Variants in HYDIN observed in about 807,000 individuals in gnomAD.
HYDIN encodes HYDIN axonemal central pair apparatus protein, also known as axonemal central pair apparatus protein HYDIN.
A neutral mutation model predicts 403.9 loss-of-function variants in HYDIN; 132 were observed. That is an observed-to-expected ratio of 0.33 (90% CI 0.28 to 0.38). The LOEUF is 0.38. HYDIN is among the 10% of genes least tolerant of loss of function. The pLI, the probability that HYDIN is intolerant of heterozygous loss-of-function variation, is 1.00. For missense variants in HYDIN, 2,827 were observed against 5,009.5 expected, an observed-to-expected ratio of 0.56 and a Z score of 13.15; for synonymous variants, 1,202 against 1,891.7, an observed-to-expected ratio of 0.64 and a Z score of 9.46.
At chr16:70,813,583 G>C (rs1037029423) in intron 84 of HYDIN, among the ~76,000 whole-genome samples, 1 of 152,076 alleles carries the variant, frequency 6.6e-6, no homozygotes, top group Non-Finnish European at 1.5e-5. Flanking sequence ...GTAAATGTCT[G>C]TTGTTTTAAG....
At chr16:71,043,658 T>C (rs1020402387) in intron 18 of HYDIN, among the ~76,000 whole-genome samples, 2 of 152,054 alleles carry the variant, frequency 1.3e-5, no homozygotes, top group African/African-American at 2.4e-5. Context: ...GATTTTTAAT[T>C]GTCATTTTGT....
intron 13 of HYDIN, among the ~76,000 whole-genome samples, chr16:71,076,500 C>T (rs1327330808): frequency 8.6e-6 from 1 of 116,076 alleles, no homozygotes; most frequent in Non-Finnish European, 1.6e-5. Flanking sequence ...GCCTCAGTGC[C>T]CCCCAACTCC....
At chr16:71,098,230 C>T (rs1298914451) in intron 10 of HYDIN, among the ~76,000 whole-genome samples, 1 of 138,808 alleles carries the variant, frequency 7.2e-6, no homozygotes, top group Non-Finnish European at 1.5e-5. Context: ...GAGATGGAGT[C>T]TCGCTCTGTC....
chr16:71,045,351 G>A (rs1255672182), intron 18 of HYDIN, among the ~76,000 whole-genome samples: 5 of 152,114 alleles, frequency 3.3e-5, no homozygotes, highest in African/African-American at 1.2e-4. Flanking sequence ...AAATAGAAAG[G>A]CCTTGAACCC....
At chr16:71,031,430 A>G in intron 19 of HYDIN, 3 of 1,327,214 alleles carry the variant, frequency 2.3e-6, no homozygotes, top group Non-Finnish European at 2.9e-6. Flanking sequence ...AAAAGAATGC[A>G]TTTCCTACAA....
At chr16:71,165,363 G>A (rs74027634) in intron 5 of HYDIN, among the ~76,000 whole-genome samples, 62 of 151,872 alleles carry the variant, frequency 4.1e-4, no homozygotes, top group African/African-American at 1.2e-3. Flanking sequence ...CACTTGGCAC[G>A]GCGATCCACT....
chr16:71,110,292 T>C (rs1038899035), intron 10 of HYDIN, among the ~76,000 whole-genome samples: 4 of 142,270 alleles, frequency 2.8e-5, no homozygotes, highest in Admixed American at 7.1e-5. Flanking sequence ...ATAATAGATA[T>C]AATAAATATA....
chr16:71,134,972 G>A (rs993580827), intron 8 of HYDIN, among the ~76,000 whole-genome samples: 11 of 152,254 alleles, frequency 7.2e-5, no homozygotes, highest in East Asian at 1.9e-4. Flanking sequence ...AAAGCACGTC[G>A]TAGACTCTTT....
chr16:70,845,976 T>A (rs947264805), intron 75 of HYDIN, among the ~76,000 whole-genome samples: 21 of 151,460 alleles, frequency 1.4e-4, no homozygotes, highest in African/African-American at 4.9e-4. Context: ...GTTTTGTTGA[T>A]CCTTTCAAAA....
At chr16:70,905,432 C>T (rs564101006) in intron 50 of HYDIN, among the ~76,000 whole-genome samples, 135 of 151,872 alleles carry the variant, frequency 8.9e-4, no homozygotes, top group African/African-American at 3.0e-3. Context: ...TGCTTGAGCT[C>T]GGAGTTCGAG....
chr16:70,962,207 A>G (rs2078440524), intron 37 of HYDIN, 69 bp from the exon 38 acceptor site: 1 of 819,396 alleles, frequency 1.2e-6, no homozygotes. Context: ...ATGGAGGCAG[A>G]AAAGGAAAAA....
intron 50 of HYDIN, among the ~76,000 whole-genome samples, chr16:70,904,620 C>G (rs1193145180): frequency 8.0e-6 from 1 of 124,798 alleles, no homozygotes; most frequent in Admixed American, 8.6e-5. Context: ...CCTGCTTCAG[C>G]CTCCCAAGTA....
At chr16:70,929,076 G>C (rs1020046200) in intron 45 of HYDIN, among the ~76,000 whole-genome samples, 5 of 151,942 alleles carry the variant, frequency 3.3e-5, no homozygotes, top group Non-Finnish European at 7.4e-5. Context: ...GATCACCTGA[G>C]GTCAGGAGTT....
At chr16:71,229,003 G>T (rs1006321434) in intron 1 of HYDIN, among the ~76,000 whole-genome samples, 1 of 152,104 alleles carries the variant, frequency 6.6e-6, no homozygotes, top group African/African-American at 2.4e-5. Flanking sequence ...CATGTCCTTT[G>T]TAGGGACATG....
At chr16:70,922,354 C>T (rs2077020630) in intron 45 of HYDIN, among the ~76,000 whole-genome samples, 2 of 152,196 alleles carry the variant, frequency 1.3e-5, no homozygotes, top group Admixed American at 6.5e-5. Context: ...GGGAGCCCAG[C>T]GTAGAGCAGC....
At chr16:70,893,152 C>T (rs1459728717) in intron 55 of HYDIN, among the ~76,000 whole-genome samples, 1 of 152,222 alleles carries the variant, frequency 6.6e-6, no homozygotes, top group Non-Finnish European at 1.5e-5. Context: ...TTACCTGCAC[C>T]CCTGTGCTTC....
intron 71 of HYDIN, among the ~76,000 whole-genome samples, chr16:70,859,422 G>A (rs1274314093): frequency 6.6e-6 from 1 of 152,202 alleles, no homozygotes; most frequent in African/African-American, 2.4e-5. Flanking sequence ...TGTGGCCAGT[G>A]GCCCTGGTAC....
chr16:70,841,169 G>T (rs1457392415), intron 75 of HYDIN, among the ~76,000 whole-genome samples: 1 of 152,008 alleles, frequency 6.6e-6, no homozygotes, highest in Non-Finnish European at 1.5e-5. Context: ...CAACTTTTAA[G>T]TTCAGGGGTA....
Position 70,863,037 on chromosome 16 carries a change from A to G in HYDIN, c.11569+48T>C, listed in dbSNP as rs761112047. The G allele has an allele frequency of 1.5e-5, 24 of 1,565,108 alleles. No individual in the cohort carries two copies. In the Admixed American group the frequency reaches 4.1e-4, roughly 27 times the overall value. On this transcript the variant is annotated intron_variant, in intron 68 of 85. Transcript: ENST00000393567. The stretch of plus-strand genomic sequence containing the variant: ...CCTCTCCATGAACAAGGCTCTTCTA[A>G]TTGGTGACTCAGGCCAGGCCCTGGG...
Sources: allele counts gnomAD v4.1 joint callset (sites outside exome capture counted in the v4.1 genomes callset), GRCh38; gene constraint gnomAD v4.1.1; transcripts MANE v1.5; gene names NCBI Gene and HGNC (gene_info 2026-07-23, HGNC 2026-07-21).